The following NEMP2 variants were observed in gnomAD, a reference collection of about 807,000 sequenced individuals.
NEMP2 encodes nuclear envelope integral membrane protein 2, also known as UPF0571 transmembrane protein.
A neutral mutation model predicts 54.2 loss-of-function variants in NEMP2; 53 were observed. The ratio of observed to expected loss-of-function variants is 0.98; its 90% CI spans 0.78 to 1.23. The LOEUF (loss-of-function observed/expected upper bound fraction) is 1.23. NEMP2 is among the 50% of genes most tolerant of loss of function. The pLI is 0.00. For missense variants in NEMP2, 455 were observed against 511.3 expected (o/e 0.89, Z 1.06); for synonymous variants, 197 against 190.3 (o/e 1.04, Z -0.29).
the NEMP2 span, among the ~76,000 whole-genome samples, chr2:190,478,931 G>T: frequency 2.0e-5 from 3 of 152,040 alleles, no homozygotes; most frequent in African/African-American, 7.2e-5. Flanking sequence ...ACTATCTAGA[G>T]GGTAGCTGAA....
chr2:190,557,578 A>T, the NEMP2 span, among the ~76,000 whole-genome samples: 1 of 152,226 alleles, frequency 6.6e-6, no homozygotes, highest in Non-Finnish European at 1.5e-5. Flanking sequence ...TATCCATCTG[A>T]TAAAGGGCTA....
chr2:190,470,398 C>T, the NEMP2 span, among the ~76,000 whole-genome samples: 1 of 152,126 alleles, frequency 6.6e-6, no homozygotes, highest in African/African-American at 2.4e-5. Context: ...TACTGTCTCC[C>T]ATCAAGACAC....
At chr2:190,586,923 C>T in the NEMP2 span, among the ~76,000 whole-genome samples, 16 of 152,068 alleles carry the variant, frequency 1.1e-4, no homozygotes, top group East Asian at 1.5e-3. This position sits in a 1 kb window ranked among gnomAD's most constrained non-coding sequence, Gnocchi z 4.5. Flanking sequence ...TAGAAATTTT[C>T]GGGTTCTTTC....
the NEMP2 span, among the ~76,000 whole-genome samples, chr2:190,571,102 C>G: frequency 6.6e-6 from 1 of 152,198 alleles, no homozygotes; most frequent in Non-Finnish European, 1.5e-5. Flanking sequence ...CTTGAATGCT[C>G]TGTGCCTTAG....
the NEMP2 span, among the ~76,000 whole-genome samples, chr2:190,469,205 A>C: frequency 3.3e-5 from 5 of 152,312 alleles, no homozygotes; most frequent in Admixed American, 6.5e-5. The surrounding 1 kb of genome is among the most constrained non-coding windows in gnomAD (Gnocchi z 5.3). Flanking sequence ...TTGATTTCCA[A>C]ATAGTTTATA....
At position 190,517,997 on chromosome 2, in the gene NEMP2, C is replaced by CAA. The variant is rs1280393071; in HGVS notation, c.519-385_519-384insTT. Among the ~76,000 whole-genome samples, 7 of 152,302 alleles carry CAA rather than the reference C, an allele frequency of 4.6e-5. 1 individual carries two copies. In the South Asian group the frequency reaches 1.5e-3, roughly 32 times the overall value. Reference sequence around the variant, plus strand: ...GATTTGGGATTACAGCCCAGCTCGTCAGAGTCCAGGCTTTATTCTTCATGC... The same window carrying CAA: ...GATTTGGGATTACAGCCCAGCTCGTCAAAGAGTCCAGGCTTTATTCTTCATGC... On this transcript the variant is annotated intron_variant, in intron 4 of 8. Transcript: ENST00000409150.
chr2:190,502,102 G>A (rs1462938513), downstream of NEMP2: 1 of 152,596 alleles, frequency 6.6e-6, no homozygotes, highest in Non-Finnish European at 1.5e-5. The surrounding 1 kb of genome is among the most constrained non-coding windows in gnomAD (Gnocchi z 4.4). Context: ...ATAAAGATGT[G>A]ACCAAACAAA....
the NEMP2 span, among the ~76,000 whole-genome samples, chr2:190,543,001 A>G: frequency 9.8e-5 from 15 of 152,288 alleles, no homozygotes; most frequent in South Asian, 4.1e-4. The surrounding 1 kb of genome is among the most constrained non-coding windows in gnomAD (Gnocchi z 4.7). Context: ...AGTCTTCTCT[A>G]TCTGGCTTGT....
the NEMP2 span, among the ~76,000 whole-genome samples, chr2:190,641,669 T>G: frequency 6.6e-6 from 1 of 152,206 alleles, no homozygotes; most frequent in African/African-American, 2.4e-5. Flanking sequence ...CCACCCTGGC[T>G]TGTGTTGTTA....
At chr2:190,485,402 G>A in the NEMP2 span, among the ~76,000 whole-genome samples, 1 of 152,110 alleles carries the variant, frequency 6.6e-6, no homozygotes, top group Admixed American at 6.6e-5. The surrounding 1 kb of genome is among the most constrained non-coding windows in gnomAD (Gnocchi z 5.1). Context: ...CATTTGATGT[G>A]TTTTCAGGTT....
the NEMP2 span, among the ~76,000 whole-genome samples, chr2:190,457,058 C>T: frequency 6.6e-6 from 1 of 152,226 alleles, no homozygotes; most frequent in Non-Finnish European, 1.5e-5. This position sits in a 1 kb window ranked among gnomAD's most constrained non-coding sequence, Gnocchi z 5.1. Flanking sequence ...AGAAGTCTAT[C>T]TACACTAACA....
the NEMP2 span, among the ~76,000 whole-genome samples, chr2:190,574,778 T>TC: frequency 2.9e-3 from 311 of 105,650 alleles, 5 homozygotes; most frequent in African/African-American, 0.012. Flanking sequence ...CTCCCTTCCC[T>TC]CCTTCCCTCC....
chr2:190,437,846 CA>C, the NEMP2 span, among the ~76,000 whole-genome samples: 249 of 152,292 alleles, frequency 1.6e-3, 1 homozygote, highest in African/African-American at 5.8e-3. This position sits in a 1 kb window ranked among gnomAD's most constrained non-coding sequence, Gnocchi z 5.9. Context: ...GAGACTCTCA[CA>C]GTACATGTTT....
the NEMP2 span, among the ~76,000 whole-genome samples, chr2:190,496,658 ATGTGTGTG>A: frequency 4.0e-5 from 6 of 151,794 alleles, no homozygotes; most frequent in African/African-American, 1.5e-4. The surrounding 1 kb of genome is among the most constrained non-coding windows in gnomAD (Gnocchi z 4.7). Flanking sequence ...ATATGTGTAT[ATGTGTGTG>A]TATGTGTGTG....
At chr2:190,452,990 C>T in the NEMP2 span, among the ~76,000 whole-genome samples, 6 of 152,128 alleles carry the variant, frequency 3.9e-5, no homozygotes, top group African/African-American at 1.4e-4. Context: ...ATTAAATGAT[C>T]AGTGATTGTT....
the NEMP2 span, among the ~76,000 whole-genome samples, chr2:190,425,556 T>G: frequency 2.0e-5 from 3 of 152,200 alleles, no homozygotes; most frequent in Admixed American, 6.5e-5. The surrounding 1 kb of genome is among the most constrained non-coding windows in gnomAD (Gnocchi z 4.3). Context: ...TTTCTGAGAC[T>G]TTTTCAAATG....
Position 190,507,673 on chromosome 2 carries a change from C to T in NEMP2, c.*1516G>A, listed in dbSNP as rs1053984730. ...TGGATATTACAAAAAAAAAAGTTCC[C>T]AGTATGAAAAGATGTCTGGCAAAAA... On this transcript the variant is annotated 3_prime_UTR_variant, in exon 9 of 9. Coordinates refer to ENST00000409150, the MANE Select transcript of NEMP2 (RefSeq NM_001142645.2). The surrounding 1 kb of genome is among the most constrained non-coding windows in gnomAD (Gnocchi z 4.4). The T allele has an allele frequency of 6.6e-6, 1 of 151,850 alleles. No individual in the cohort carries two copies. Among genetic ancestry groups the T allele is most frequent in the African/African-American group, 2.4e-5 (1 of 41,318 alleles). 9.4% of individuals were successfully genotyped at this position (151,850 alleles called of 1,614,324 possible).
At chr2:190,466,786 T>A in the NEMP2 span, among the ~76,000 whole-genome samples, 1 of 152,178 alleles carries the variant, frequency 6.6e-6, no homozygotes, top group Admixed American at 6.5e-5. Context: ...GACTATCAAT[T>A]GTGAAAGTAG....
chr2:190,437,277 T>C, the NEMP2 span: 1 of 1,614,020 alleles, frequency 6.2e-7, no homozygotes, highest in African/African-American at 1.3e-5. The surrounding 1 kb of genome is among the most constrained non-coding windows in gnomAD (Gnocchi z 5.9). Context: ...GGAACAACTC[T>C]ACAGAGTCCT....
Sources: gnomAD v4.1 joint callset for allele counts (sites outside exome capture counted in the v4.1 genomes callset) on GRCh38, gnomAD v4.1.1 for gene constraint, Gnocchi (gnomAD v3.1) non-coding constraint, MANE v1.5 for transcripts, NCBI Gene and HGNC (gene_info 2026-07-23, HGNC 2026-07-21) for gene names.